The following SEPTIN7 variants were observed in gnomAD, a reference collection of about 807,000 sequenced individuals.
SEPTIN7 encodes the protein septin 7, also known as septin-7.
SEPTIN7 carries 10 observed loss-of-function variants against 63.3 expected under a neutral mutation model. The ratio of observed to expected loss-of-function variants is 0.16; its 90% CI spans 0.10 to 0.27. The LOEUF (loss-of-function observed/expected upper bound fraction) is 0.27. Among genes scored for constraint, SEPTIN7 ranks in the 10% least tolerant of loss-of-function variants. The pLI, the probability that SEPTIN7 is intolerant of heterozygous loss-of-function variation, is 1.00. For missense variants in SEPTIN7, 310 were observed against 521.0 expected (o/e 0.59, Z 3.94); for synonymous variants, 131 against 165.3 (o/e 0.79, Z 1.59).
At position 35,890,567 on chromosome 7, in the gene SEPTIN7, A is replaced by G. The variant is rs1320370647; in HGVS notation, c.873-101A>G. 64 of 1,053,478 alleles carry G rather than the reference A, an allele frequency of 6.1e-5. No individual in the cohort carries two copies. In the East Asian group the frequency reaches 1.9e-3, roughly 31 times the overall value. 65.3% of individuals were successfully genotyped at this position (1,053,478 alleles called of 1,614,324 possible). A position where few individuals can be genotyped will look rare whatever the true frequency, so the allele number is the denominator to read the frequency against. On this transcript the variant is annotated intron_variant, in intron 10 of 13. Coordinates refer to ENST00000350320, the MANE Select transcript of SEPTIN7 (RefSeq NM_001788.6). ...GTCTTTTGTTCATTTTAAATCTGAAATTTTTGTTTTGGTAAAATTTTGAAT... is the reference window on the plus strand; with the variant it reads ...GTCTTTTGTTCATTTTAAATCTGAAGTTTTTGTTTTGGTAAAATTTTGAAT...
At chr7:35,890,578 G>C (rs1787570935) in intron 10 of SEPTIN7, 90 bp from the exon 11 acceptor site, 2 of 1,171,088 alleles carry the variant, frequency 1.7e-6, no homozygotes, top group Non-Finnish European at 2.2e-6. Context: ...TTTTTGTTTT[G>C]GTAAAATTTT....
intron 1 of SEPTIN7, among the ~76,000 whole-genome samples, chr7:35,810,756 G>C (rs1788650569): frequency 1.3e-5 from 2 of 151,570 alleles, no homozygotes; most frequent in African/African-American, 2.4e-5. Context: ...CATTCAGATT[G>C]TAATGAGTTA....
In SEPTIN7 at chr7:35,872,656, A is replaced by G; in HGVS notation, c.277-10A>G. ...TATGATATTAACATCTGCACCAATT[A>G]CTCTTACAGGTGGAACAATCCAAAG... is the stretch of plus-strand genomic sequence containing the variant. On this transcript the variant is annotated splice_polypyrimidine_tract_variant and intron_variant, in intron 4 of 13. Coordinates refer to ENST00000350320, the MANE Select transcript of SEPTIN7 (RefSeq NM_001788.6). 1.3e-6 allele frequency: 2 copies of G among 1,594,980 alleles called. No homozygotes were observed. Among genetic ancestry groups the G allele is most frequent in the African/African-American group, 1.3e-5 (1 of 74,588 alleles).
At chr7:35,892,730 G>C (rs566450304) in intron 11 of SEPTIN7, among the ~76,000 whole-genome samples, 1 of 151,506 alleles carries the variant, frequency 6.6e-6, no homozygotes, top group East Asian at 1.9e-4. Flanking sequence ...AAATTCTACT[G>C]TGTGGATACA....
chr7:35,815,001 GC>G, intron 1 of SEPTIN7: 1 of 140,218 alleles, frequency 7.1e-6, no homozygotes, highest in Non-Finnish European at 1.5e-5. Context: ...AAAAAAAAAA[GC>G]TGGGATTCTG....
chr7:35,903,068 T>C lies in SEPTIN7; in HGVS notation c.1135-8T>C, dbSNP rs1270921499. 2 of 1,536,700 alleles carry C rather than the reference T, an allele frequency of 1.3e-6. No homozygotes were observed. The highest frequency in any genetic ancestry group is 1.7e-6 in the Non-Finnish European group (2 of 1,144,006). ...TAGTTTTGTTTTATATATTGTGCTA[T>C]GATTTAGCTCCAGCGGCGCCATGAG... is the stretch of plus-strand genomic sequence containing the variant. On this transcript the variant is annotated splice_polypyrimidine_tract_variant and splice_region_variant and intron_variant, in intron 12 of 13. Transcript: ENST00000350320.
intron 8 of SEPTIN7, among the ~76,000 whole-genome samples, chr7:35,882,793 T>C (rs1046954308): frequency 6.6e-6 from 1 of 152,078 alleles, no homozygotes; most frequent in African/African-American, 2.4e-5. Flanking sequence ...ATAACACAAT[T>C]CTTATTTCAA....
intron 6 of SEPTIN7, 184 bp from the exon 7 acceptor site, chr7:35,879,639 C>G (rs1786709039): frequency 1.9e-6 from 1 of 525,216 alleles, no homozygotes; most frequent in Non-Finnish European, 3.5e-6. Context: ...GAGTCAAAGC[C>G]TTAGCCACTC....
At chr7:35,860,051 TC>T (rs1219925161) in intron 3 of SEPTIN7, among the ~76,000 whole-genome samples, 2 of 152,126 alleles carry the variant, frequency 1.3e-5, no homozygotes, top group Non-Finnish European at 2.9e-5. Context: ...CTTCATTTCT[TC>T]CATTACTGCC....
At chr7:35,853,615 T>C (rs982929356) in intron 3 of SEPTIN7, among the ~76,000 whole-genome samples, 1 of 152,228 alleles carries the variant, frequency 6.6e-6, no homozygotes, top group Non-Finnish European at 1.5e-5. Context: ...TACTTAGCTG[T>C]AAAATTGTTT....
intron 7 of SEPTIN7, 97 bp downstream of exon 7, chr7:35,880,037 C>T (rs888828889): frequency 1.0e-5 from 7 of 695,144 alleles, no homozygotes; most frequent in African/African-American, 7.1e-5. Flanking sequence ...ATTCCTCTTA[C>T]TGCTTTACTA....
At position 35,906,322 on chromosome 7, in the gene SEPTIN7, T is replaced by G. The variant is rs1225716564; in HGVS notation, c.*2029T>G. 2.0e-5 allele frequency: 3 copies of G among 152,232 alleles called. No individual in the cohort carries two copies. The highest frequency in any genetic ancestry group is 2.9e-5 in the Non-Finnish European group (2 of 68,040). 9.4% of individuals were successfully genotyped at this position (152,232 alleles called of 1,614,324 possible). ...GGTTTTACCTGAATCTGATACAGGA[T>G]CTATATAACTTTACTAGGACTTTTG... is the stretch of plus-strand genomic sequence containing the variant. On this transcript the variant is annotated 3_prime_UTR_variant, in exon 14 of 14. Transcript: ENST00000350320.
rs982711013 is a variant in SEPTIN7 at position 35,801,111 on chromosome 7, C to A, written c.-99C>A. On this transcript the variant is annotated 5_prime_UTR_variant, in exon 1 of 14. Coordinates refer to ENST00000350320, the MANE Select transcript of SEPTIN7 (RefSeq NM_001788.6). ...CCTGCTGTAGCGTGCGTAAGCAAGG[C>A]AGCTACGCCGGGCGGCTACGCTGCG... 1.4e-5 allele frequency: 14 copies of A among 967,764 alleles called. No homozygotes were observed. The highest frequency in any genetic ancestry group is 1.9e-5 in the Non-Finnish European group (13 of 686,490). 59.9% of individuals were successfully genotyped at this position (967,764 alleles called of 1,614,324 possible). A position where few individuals can be genotyped will look rare whatever the true frequency, so the allele number is the denominator to read the frequency against.
chr7:35,881,806 C>G (rs1259271033), intron 7 of SEPTIN7, among the ~76,000 whole-genome samples: 1 of 151,882 alleles, frequency 6.6e-6, no homozygotes, highest in Non-Finnish European at 1.5e-5. Context: ...TGATTTTGAA[C>G]ATGATAATTT....
chr7:35,877,302 T>G (rs1786531677), intron 6 of SEPTIN7, among the ~76,000 whole-genome samples: 1 of 152,164 alleles, frequency 6.6e-6, no homozygotes, highest in Admixed American at 6.5e-5. Context: ...GGCAGCTATC[T>G]TAATTCTCCA....
At chr7:35,913,889 C>G in the SEPTIN7 span, among the ~76,000 whole-genome samples, 1 of 152,154 alleles carries the variant, frequency 6.6e-6, no homozygotes, top group Admixed American at 6.5e-5. Flanking sequence ...TGCACCTGCC[C>G]AGGAACAGAA....
At chr7:35,806,367 T>C (rs1267774408) in intron 1 of SEPTIN7, among the ~76,000 whole-genome samples, 1 of 152,188 alleles carries the variant, frequency 6.6e-6, no homozygotes, top group Non-Finnish European at 1.5e-5. Context: ...CATAGAACAT[T>C]ATGCTAGGTC....
intron 3 of SEPTIN7, among the ~76,000 whole-genome samples, chr7:35,835,767 T>C (rs1274683486): frequency 6.6e-6 from 1 of 152,100 alleles, no homozygotes; most frequent in Non-Finnish European, 1.5e-5. Context: ...GTGGGAGAGG[T>C]GCATTTGCTA....
intron 1 of SEPTIN7, among the ~76,000 whole-genome samples, chr7:35,830,174 TTC>T (rs1223457495): frequency 6.6e-6 from 1 of 151,108 alleles, no homozygotes; most frequent in Non-Finnish European, 1.5e-5. Context: ...CACAGTGAAA[TTC>T]TGTCTCAAAA....
Sources: gnomAD v4.1 joint callset for allele counts (sites outside exome capture counted in the v4.1 genomes callset) on GRCh38, gnomAD v4.1.1 for gene constraint, MANE v1.5 for transcripts, NCBI Gene and HGNC (gene_info 2026-07-23, HGNC 2026-07-21) for gene names.